NR3C1: variants seen among roughly 807,000 people sequenced by gnomAD.
NR3C1 encodes the protein nuclear receptor subfamily 3 group C member 1, also known as glucocorticoid receptor.
NR3C1 carries 14 observed loss-of-function variants against 74.0 expected under a neutral mutation model. The ratio of observed to expected loss-of-function variants is 0.19; its 90% CI spans 0.12 to 0.30. The LOEUF (loss-of-function observed/expected upper bound fraction) is 0.30. Ranked by LOEUF, NR3C1 falls within the 10% of genes least tolerant of loss-of-function variation. The pLI is 1.00. For missense variants in NR3C1, 695 were observed against 909.8 expected (o/e 0.76, Z 3.04); for synonymous variants, 308 against 332.5 (o/e 0.93, Z 0.80).
At chr5:143,288,548 T>C (rs1360255785) in intron 7 of NR3C1, among the ~76,000 whole-genome samples, 3 of 151,978 alleles carry the variant, frequency 2.0e-5, no homozygotes, top group South Asian at 2.1e-4. Context: ...TAGAGTGCAC[T>C]GGCATGATCA....
At chr5:143,302,022 T>C (rs755879427) in intron 4 of NR3C1, among the ~76,000 whole-genome samples, 10 of 152,106 alleles carry the variant, frequency 6.6e-5, no homozygotes, top group Admixed American at 1.3e-4. Context: ...CCATGCTCTC[T>C]TGGAGGCACA....
At chr5:143,392,515 C>T (rs1271719250) in intron 2 of NR3C1, among the ~76,000 whole-genome samples, 1 of 151,868 alleles carries the variant, frequency 6.6e-6, no homozygotes, top group Non-Finnish European at 1.5e-5. Context: ...GTTAAGGTTT[C>T]CTGGTTTTTT....
At chr5:143,314,421 CT>C (rs200172704) in intron 2 of NR3C1, among the ~76,000 whole-genome samples, 2,513 of 118,732 alleles carry the variant, frequency 0.021, 12 homozygotes, top group East Asian at 0.046. Flanking sequence ...ACTTCTTCTT[CT>C]TTTTTTTTTT....
intron 7 of NR3C1, among the ~76,000 whole-genome samples, chr5:143,292,697 A>G (rs1816209230): frequency 6.6e-6 from 1 of 152,168 alleles, no homozygotes; most frequent in South Asian, 2.1e-4. Flanking sequence ...TTAACTCTGA[A>G]GCTAGTCCTC....
At chr5:143,322,557 G>A (rs983320235) in intron 2 of NR3C1, among the ~76,000 whole-genome samples, 23 of 152,266 alleles carry the variant, frequency 1.5e-4, no homozygotes, top group Admixed American at 1.4e-3. Flanking sequence ...AAAACTGTGT[G>A]ACGATCTGTG....
chr5:143,343,666 T>C (rs1828665723), intron 2 of NR3C1, among the ~76,000 whole-genome samples: 2 of 152,202 alleles, frequency 1.3e-5, no homozygotes, highest in Admixed American at 1.3e-4. Context: ...GCTTCCTCTT[T>C]CTTACAAGTT....
At chr5:143,405,802 T>C (rs562616962), upstream of NR3C1, among the ~76,000 whole-genome samples, 253 of 152,294 alleles carry the variant, frequency 1.7e-3, 1 homozygote, top group Non-Finnish European at 2.7e-3. Context: ...CCGCTTCTCC[T>C]GTCCCTTGGC....
intron 7 of NR3C1, among the ~76,000 whole-genome samples, chr5:143,286,807 G>GT (rs767208615): frequency 3.3e-5 from 5 of 151,662 alleles, no homozygotes; most frequent in African/African-American, 9.7e-5. Flanking sequence ...AGCACAGTAA[G>GT]TTTTTTTTCA....
At chr5:143,368,980 T>G (rs1270555238) in intron 2 of NR3C1, among the ~76,000 whole-genome samples, 1 of 152,122 alleles carries the variant, frequency 6.6e-6, no homozygotes, top group Non-Finnish European at 1.5e-5. Flanking sequence ...CTTCCTCTTC[T>G]TATAAAGCCA....
chr5:143,327,820 C>T (rs191485198), intron 2 of NR3C1, among the ~76,000 whole-genome samples: 1 of 152,370 alleles, frequency 6.6e-6, no homozygotes, highest in African/African-American at 2.4e-5. Context: ...GCCCCTGTGG[C>T]TCAGCAGGGT....
chr5:143,433,520 G>T (rs574236211), intron 1 of NR3C1, among the ~76,000 whole-genome samples: 1 of 70,996 alleles, frequency 1.4e-5, no homozygotes, highest in East Asian at 3.9e-4. Context: ...CCAAGACAAG[G>T]TTGTTTACCT....
At chr5:143,293,860 CATTCTTTTTTTTTTTTTTTTA>C in intron 7 of NR3C1, 1 of 949,622 alleles carries the variant, frequency 1.1e-6, no homozygotes, top group Non-Finnish European at 1.3e-6. Context: ...CAATTGAAAC[CATTCTTTTTTTTTTTTTTTTA>C]AACAAGTAAA....
At chr5:143,327,152 G>T (rs1824784137) in intron 2 of NR3C1, among the ~76,000 whole-genome samples, 1 of 152,134 alleles carries the variant, frequency 6.6e-6, no homozygotes, top group Non-Finnish European at 1.5e-5. Context: ...CTGCATGGCT[G>T]GGGAGGCCTC....
intron 2 of NR3C1, among the ~76,000 whole-genome samples, chr5:143,359,525 C>CA (rs1157752904): frequency 5.9e-5 from 9 of 152,174 alleles, no homozygotes; most frequent in Non-Finnish European, 1.0e-4. Context: ...TTTGCTTTTA[C>CA]AAGCTGTTTA....
intron 4 of NR3C1, among the ~76,000 whole-genome samples, chr5:143,302,394 A>C (rs569185813): frequency 4.1e-4 from 63 of 152,242 alleles, no homozygotes; most frequent in Non-Finnish European, 7.8e-4. Flanking sequence ...CTCTTTAAAC[A>C]ACCAGAAGTA....
chr5:143,286,503 G>A (rs182298410), intron 7 of NR3C1, among the ~76,000 whole-genome samples: 11 of 152,024 alleles, frequency 7.2e-5, no homozygotes, highest in African/African-American at 1.9e-4. Context: ...GACTAAAAAC[G>A]AAAAATATAT....
chr5:143,312,686 C>T (rs545985481), intron 3 of NR3C1, among the ~76,000 whole-genome samples: 8 of 152,160 alleles, frequency 5.3e-5, no homozygotes, highest in African/African-American at 1.4e-4. Context: ...ATACTGAATG[C>T]GTATCACTTT....
At chr5:143,384,506 T>C (rs371912954) in intron 2 of NR3C1, among the ~76,000 whole-genome samples, 5 of 152,060 alleles carry the variant, frequency 3.3e-5, no homozygotes, top group South Asian at 2.1e-4. Flanking sequence ...CAAGAAAAAA[T>C]TGGGATACAG....
At chr5:143,405,318 A>G, upstream of NR3C1, 1 of 985,588 alleles carries the variant, frequency 1.0e-6, no homozygotes, top group Non-Finnish European at 1.2e-6. Flanking sequence ...GCGCTCGGCC[A>G]CAGCCACTCT....
Sources: allele counts gnomAD v4.1 joint callset (sites outside exome capture counted in the v4.1 genomes callset), GRCh38; gene constraint gnomAD v4.1.1; transcripts MANE v1.5; gene names NCBI Gene and HGNC (gene_info 2026-07-23, HGNC 2026-07-21).